PDE1A: variants seen among roughly 807,000 people sequenced by gnomAD.
The protein encoded by PDE1A is dual specificity calcium/calmodulin-dependent 3',5'-cyclic nucleotide phosphodiesterase 1A.
PDE1A carries 35 observed loss-of-function variants against 61.7 expected under a neutral mutation model. The observed-to-expected ratio is 0.57, with a 90% confidence interval of 0.43 to 0.75. PDE1A has a LOEUF of 0.75. PDE1A is among the 30% of genes least tolerant of loss of function. PDE1A has a pLI of 0.00. For synonymous variants in PDE1A, 232 were observed against 213.2 expected (o/e 1.09, Z -0.77); for missense variants, 597 against 630.6 (o/e 0.95, Z 0.57).
At chr2:182,168,366 C>A in intron 13 of PDE1A, 4 of 1,318,904 alleles carry the variant, frequency 3.0e-6, no homozygotes, top group Admixed American at 2.4e-5. Context: ...AAAAGTAATT[C>A]TCATTTATAA....
the PDE1A span, among the ~76,000 whole-genome samples, chr2:182,666,477 G>A: frequency 6.6e-6 from 1 of 151,948 alleles, no homozygotes; most frequent in East Asian, 1.9e-4. Context: ...GTGTGGTGGC[G>A]CATGCCTGTA....
the PDE1A span, among the ~76,000 whole-genome samples, chr2:182,656,206 C>T: frequency 6.6e-6 from 1 of 152,174 alleles, no homozygotes; most frequent in Non-Finnish European, 1.5e-5. Flanking sequence ...TCTCATCATT[C>T]CACTGAGCAC....
chr2:182,455,023 T>A (rs1246497635), intron 2 of PDE1A, among the ~76,000 whole-genome samples: 1 of 151,900 alleles, frequency 6.6e-6, no homozygotes, highest in Non-Finnish European at 1.5e-5. Flanking sequence ...AAAGGGCTAA[T>A]ATCCAGAATC....
At chr2:182,593,952 G>A in the PDE1A span, among the ~76,000 whole-genome samples, 2 of 152,228 alleles carry the variant, frequency 1.3e-5, no homozygotes, top group Admixed American at 6.5e-5. Context: ...ATGCATGGGC[G>A]TCACTTCTTC....
chr2:182,168,285 T>C, exon 14 of PDE1A: 1 of 1,586,882 alleles, frequency 6.3e-7, no homozygotes, highest in Non-Finnish European at 8.5e-7. Context: ...GAACTGGTTC[T>C]TGCTTCTGAA....
intron 1 of PDE1A, among the ~76,000 whole-genome samples, chr2:182,328,186 A>C (rs1697171030): frequency 6.6e-6 from 1 of 152,304 alleles, no homozygotes; most frequent in South Asian, 2.1e-4. Context: ...ATTCTAAGAG[A>C]GTATTTAAGC....
chr2:182,280,889 A>C (rs1036123013), intron 1 of PDE1A, among the ~76,000 whole-genome samples: 1 of 151,992 alleles, frequency 6.6e-6, no homozygotes, highest in Non-Finnish European at 1.5e-5. Context: ...CAAGGTAAAA[A>C]CTTCTTTTTA....
intron 2 of PDE1A, among the ~76,000 whole-genome samples, chr2:182,466,254 C>A (rs1686652523): frequency 1.3e-5 from 2 of 151,972 alleles, no homozygotes. Context: ...TTATCTTTCC[C>A]AGACCACATT....
At chr2:182,323,578 T>C (rs1696843253) in intron 1 of PDE1A, among the ~76,000 whole-genome samples, 1 of 152,194 alleles carries the variant, frequency 6.6e-6, no homozygotes, top group Non-Finnish European at 1.5e-5. Flanking sequence ...TTCAACTTCT[T>C]GGAGGCAGGG....
At chr2:182,602,282 G>A in the PDE1A span, among the ~76,000 whole-genome samples, 1 of 152,316 alleles carries the variant, frequency 6.6e-6, no homozygotes, top group Admixed American at 6.5e-5. Context: ...GAAGGGGCAG[G>A]GCTCTCACTG....
the PDE1A span, among the ~76,000 whole-genome samples, chr2:182,658,658 C>G: frequency 2.0e-5 from 3 of 152,114 alleles, no homozygotes; most frequent in South Asian, 6.2e-4. Context: ...TATTAATAAG[C>G]GTAACAAGAA....
intron 2 of PDE1A, among the ~76,000 whole-genome samples, chr2:182,454,463 C>G (rs1685759603): frequency 1.3e-5 from 2 of 152,188 alleles, no homozygotes; most frequent in African/African-American, 4.8e-5. Flanking sequence ...ATCGCCAAGT[C>G]AATCCTAAGC....
At chr2:182,356,995 C>T (rs1284367247) in intron 1 of PDE1A, among the ~76,000 whole-genome samples, 1 of 151,828 alleles carries the variant, frequency 6.6e-6, no homozygotes, top group African/African-American at 2.4e-5. Context: ...AACACTTGGA[C>T]ACAGGAAGGG....
the PDE1A span, among the ~76,000 whole-genome samples, chr2:182,631,200 A>G: frequency 6.6e-6 from 1 of 152,108 alleles, no homozygotes; most frequent in African/African-American, 2.4e-5. Flanking sequence ...AGCCCTTAGA[A>G]CCAGGTGTAC....
intron 2 of PDE1A, among the ~76,000 whole-genome samples, chr2:182,462,435 C>A (rs1023302047): frequency 2.8e-4 from 42 of 151,856 alleles, no homozygotes; most frequent in African/African-American, 1.0e-3. Context: ...TCAAACCAGA[C>A]TCTTGGTGTT....
the PDE1A span, among the ~76,000 whole-genome samples, chr2:182,679,428 T>C: frequency 6.8e-6 from 1 of 147,838 alleles, no homozygotes; most frequent in Non-Finnish European, 1.5e-5. Flanking sequence ...CTTGAAATCC[T>C]AACCTCAGGT....
intron 13 of PDE1A, among the ~76,000 whole-genome samples, chr2:182,149,750 G>A (rs1198605157): frequency 6.6e-6 from 1 of 152,092 alleles, no homozygotes. Context: ...ATCCATTAAA[G>A]ATCATCTTAG....
chr2:182,510,627 A>C (rs2125947750), intron 2 of PDE1A, among the ~76,000 whole-genome samples: 1 of 152,338 alleles, frequency 6.6e-6, no homozygotes, highest in South Asian at 2.1e-4. Flanking sequence ...GGTTATAATA[A>C]GAAAAGGCCT....
At chr2:182,461,949 A>G (rs747601223) in intron 2 of PDE1A, among the ~76,000 whole-genome samples, 3 of 152,186 alleles carry the variant, frequency 2.0e-5, no homozygotes, top group Non-Finnish European at 4.4e-5. Flanking sequence ...CTTGTGTCTT[A>G]TAGCTTTGAT....
Sources: allele counts gnomAD v4.1 joint callset (sites outside exome capture counted in the v4.1 genomes callset), GRCh38; gene constraint gnomAD v4.1.1; transcripts MANE v1.5; gene names NCBI Gene and HGNC (gene_info 2026-07-23, HGNC 2026-07-21).